Variants in OR9Q1 observed in about 807,000 individuals in gnomAD.
The protein encoded by OR9Q1 is olfactory receptor 9Q1.
For synonymous variants in OR9Q1, 153 were observed against 148.6 expected (o/e 1.03, Z -0.22); for missense variants, 374 against 378.8 (o/e 0.99, Z 0.11).
At chr11:58,156,065 A>G (rs772414517) in intron 2 of OR9Q1, among the ~76,000 whole-genome samples, 21 of 151,630 alleles carry the variant, frequency 1.4e-4, no homozygotes, top group Non-Finnish European at 2.5e-4. Context: ...GGCACCCACC[A>G]TTGTGCCTGG....
At chr11:58,164,762 A>G (rs752350858) in intron 2 of OR9Q1, among the ~76,000 whole-genome samples, 1 of 152,146 alleles carries the variant, frequency 6.6e-6, no homozygotes, top group African/African-American at 2.4e-5. Context: ...GTCACTTGTC[A>G]AATTGAATTA....
chr11:58,085,179 TTG>T (rs1853622926), intron 2 of OR9Q1, among the ~76,000 whole-genome samples: 1 of 151,978 alleles, frequency 6.6e-6, no homozygotes. Flanking sequence ...GCTTCTAATA[TTG>T]TGTTAGAATT....
chr11:58,040,007 C>A (rs147103027), intron 1 of OR9Q1, among the ~76,000 whole-genome samples: 2 of 152,254 alleles, frequency 1.3e-5, no homozygotes, highest in East Asian at 3.9e-4. Context: ...TTGATAATAT[C>A]ATGAAGTCAG....
chr11:58,152,686 G>C (rs780495940), intron 2 of OR9Q1, among the ~76,000 whole-genome samples: 1 of 151,894 alleles, frequency 6.6e-6, no homozygotes, highest in Admixed American at 6.6e-5. Context: ...ATGCTTTTAG[G>C]CTCCAAAAAT....
intron 2 of OR9Q1, among the ~76,000 whole-genome samples, chr11:58,136,902 A>C (rs1250011460): frequency 6.6e-6 from 1 of 152,178 alleles, no homozygotes; most frequent in Admixed American, 6.5e-5. Context: ...CTGTAGTAGC[A>C]CAGACCTGGA....
At chr11:58,042,558 A>G (rs897067375) in intron 1 of OR9Q1, among the ~76,000 whole-genome samples, 9 of 150,582 alleles carry the variant, frequency 6.0e-5, no homozygotes, top group South Asian at 2.1e-4. Flanking sequence ...GCCTTGTAGT[A>G]TAGTTTGAAG....
chr11:58,027,940 A>T (rs945607430), intron 1 of OR9Q1, among the ~76,000 whole-genome samples: 9 of 152,100 alleles, frequency 5.9e-5, no homozygotes, highest in African/African-American at 2.2e-4. Flanking sequence ...CCTGCTCTGT[A>T]CCAGGCCCCA....
At chr11:58,110,728 A>T (rs1853891565) in intron 2 of OR9Q1, among the ~76,000 whole-genome samples, 1 of 152,008 alleles carries the variant, frequency 6.6e-6, no homozygotes, top group African/African-American at 2.4e-5. Flanking sequence ...TTACCTCTGT[A>T]CTCTAGAGGT....
At chr11:58,033,150 G>C (rs1853060330) in intron 1 of OR9Q1, among the ~76,000 whole-genome samples, 1 of 152,204 alleles carries the variant, frequency 6.6e-6, no homozygotes, top group Non-Finnish European at 1.5e-5. Context: ...CTTATGCACT[G>C]TTGGTGAGAG....
intron 2 of OR9Q1, among the ~76,000 whole-genome samples, chr11:58,095,067 A>T (rs1441018966): frequency 6.6e-6 from 1 of 152,248 alleles, no homozygotes; most frequent in African/African-American, 2.4e-5. Context: ...AAATTACAAA[A>T]GGTTACCAAA....
At chr11:58,118,596 G>A in intron 2 of OR9Q1, 1 of 1,613,988 alleles carries the variant, frequency 6.2e-7, no homozygotes, top group Middle Eastern at 1.7e-4. Flanking sequence ...GGTTCAGCAT[G>A]GGGATGACCA....
chr11:58,180,054 A>AT lies in OR9Q1; in HGVS notation c.615dup (p.Val206CysfsTer57), dbSNP rs1197760369. 8 of 1,613,878 alleles carry AT rather than the reference A, an allele frequency of 5.0e-6. No homozygotes were observed. In the Admixed American group the frequency reaches 1.3e-4, roughly 27 times the overall value. On this transcript the variant is annotated frameshift_variant, in exon 3 of 3. Coordinates refer to ENST00000335397, the MANE Select transcript of OR9Q1 (RefSeq NM_001005212.4). LOFTEE classifies it low-confidence loss of function (END_TRUNC). ...AGAAGTGCTGATTATTATGTTTGCCATTTTTGTCATCCCTGCTTCCATGGT... is the reference window on the plus strand; with the variant it reads ...AGAAGTGCTGATTATTATGTTTGCCATTTTTTGTCATCCCTGCTTCCATGGT...
intron 2 of OR9Q1, among the ~76,000 whole-genome samples, chr11:58,096,626 C>T (rs1853734738): frequency 6.6e-6 from 1 of 151,082 alleles, no homozygotes; most frequent in Non-Finnish European, 1.5e-5. Flanking sequence ...GATCCTCTCA[C>T]CTCAGCCTCC....
At chr11:58,100,624 G>A (rs1285535364) in intron 2 of OR9Q1, among the ~76,000 whole-genome samples, 1 of 151,696 alleles carries the variant, frequency 6.6e-6, no homozygotes, top group Non-Finnish European at 1.5e-5. Flanking sequence ...TTTATTTTCT[G>A]TATGTTTATA....
intron 2 of OR9Q1, among the ~76,000 whole-genome samples, chr11:58,155,789 A>C (rs1042580441): frequency 1.3e-5 from 2 of 152,196 alleles, no homozygotes; most frequent in Non-Finnish European, 2.9e-5. Context: ...GCTCAGACAC[A>C]AGTGTGAAAA....
rs761812454 is a variant in OR9Q1 at position 58,179,579 on chromosome 11, G to A, written c.135G>A (p.Met45Ile). ...TCACCGTATTGGGGAACTTAGAGAT[G>A]ATTATTCTGATCCTCATGGATCACC... ...YLITVLGNLE[M>I]IILILMDHQL... The change falls in exon 3 of 3, where the codon ATG (methionine) becomes ATA (isoleucine). Residue 45 changes from methionine (M) to isoleucine (I), a missense_variant. Physicochemically the swap from Met to Ile is conservative, Grantham distance 10. Coordinates refer to ENST00000335397, the MANE Select transcript of OR9Q1 (RefSeq NM_001005212.4). 6 of 1,613,808 alleles carry A rather than the reference G, an allele frequency of 3.7e-6. No individual in the cohort carries two copies. In the South Asian group the frequency reaches 6.6e-5, roughly 18 times the overall value.
chr11:58,129,680 A>C (rs55763633), intron 2 of OR9Q1, among the ~76,000 whole-genome samples: 19 of 151,878 alleles, frequency 1.3e-4, no homozygotes, highest in Admixed American at 1.1e-3. Flanking sequence ...CTTTTCATGC[A>C]GGTCTCAGTG....
At chr11:58,080,405 A>G (rs1004607358) in intron 2 of OR9Q1, among the ~76,000 whole-genome samples, 5 of 152,126 alleles carry the variant, frequency 3.3e-5, no homozygotes, top group Admixed American at 3.3e-4. Context: ...ATGGGCACCC[A>G]CATTGATTTC....
chr11:58,025,348 C>T (rs1852962567), intron 1 of OR9Q1, among the ~76,000 whole-genome samples: 1 of 152,158 alleles, frequency 6.6e-6, no homozygotes, highest in South Asian at 2.1e-4. Flanking sequence ...CCTACAGGCG[C>T]ACGCCACCAT....
Sources: allele counts gnomAD v4.1 joint callset (sites outside exome capture counted in the v4.1 genomes callset), GRCh38; gene constraint gnomAD v4.1.1; transcripts MANE v1.5; gene names NCBI Gene and HGNC (gene_info 2026-07-23, HGNC 2026-07-21).